FAM20A: variants seen among roughly 807,000 people sequenced by gnomAD.
FAM20A encodes FAM20A golgi associated secretory pathway pseudokinase.
A neutral mutation model predicts 52.0 loss-of-function variants in FAM20A; 42 were observed. That is an observed-to-expected ratio of 0.81 (90% confidence interval 0.63 to 1.04). The LOEUF (loss-of-function observed/expected upper bound fraction) is 1.04. Among genes scored for constraint, FAM20A ranks in the 50% least tolerant of loss-of-function variants. FAM20A has a pLI of 0.00. For missense variants in FAM20A, 742 were observed against 712.7 expected (o/e 1.04, Z -0.47); for synonymous variants, 304 against 298.9 (o/e 1.02, Z -0.18).
chr17:68,551,922 G>C lies in FAM20A; in HGVS notation c.670C>G (p.Leu224Val). ...IVKPSGVHLK[L>V]VLRFSDFGKA... ...CCGAAATCCGAGAACCTCAGCACCA[G>C]CTTGAGGTGGACCCCACTGGGTTTC... The change falls in exon 4 of 11, where the codon CTG (leucine) becomes GTG (valine). Residue 224 changes from leucine to valine, a missense_variant. Transcript: ENST00000592554. 6.3e-7 allele frequency: 1 copy of C among 1,591,318 alleles called. No homozygotes were observed. The highest frequency in any genetic ancestry group is 8.6e-7 in the Non-Finnish European group (1 of 1,167,154).
chr17:68,599,391 C>T (rs1461947587), intron 1 of FAM20A, among the ~76,000 whole-genome samples: 3 of 152,234 alleles, frequency 2.0e-5, no homozygotes, highest in Non-Finnish European at 4.4e-5. Flanking sequence ...AGCAAGGGAT[C>T]TCAGTAATGA....
At chr17:68,575,594 C>T (rs192755742) in intron 1 of FAM20A, among the ~76,000 whole-genome samples, 18 of 82,088 alleles carry the variant, frequency 2.2e-4, no homozygotes, top group East Asian at 3.5e-4. Flanking sequence ...ATATTTTATA[C>T]ATTATATATA....
At chr17:68,592,096 A>C (rs1598083343) in intron 1 of FAM20A, among the ~76,000 whole-genome samples, 1 of 152,072 alleles carries the variant, frequency 6.6e-6, no homozygotes, top group Non-Finnish European at 1.5e-5. Context: ...ACTCAGTGGG[A>C]TCCAATGACC....
intron 4 of FAM20A, among the ~76,000 whole-genome samples, chr17:68,550,159 C>T (rs1356346277): frequency 6.6e-6 from 1 of 152,096 alleles, no homozygotes; most frequent in Admixed American, 6.5e-5. Flanking sequence ...GTGATGATGA[C>T]AACCAATTCC....
At chr17:68,594,737 C>G (rs897127060) in intron 1 of FAM20A, among the ~76,000 whole-genome samples, 1 of 152,332 alleles carries the variant, frequency 6.6e-6, no homozygotes, top group Middle Eastern at 3.4e-3. Flanking sequence ...TTGCTCCTAT[C>G]CCTTGCCACA....
At chr17:68,541,888 C>T in intron 7 of FAM20A, 97 bp downstream of exon 7, 1 of 1,438,664 alleles carries the variant, frequency 7.0e-7, no homozygotes, top group Non-Finnish European at 9.5e-7. Context: ...ATTGAGGCAG[C>T]TTTTCAGATT....
intron 4 of FAM20A, among the ~76,000 whole-genome samples, chr17:68,549,028 A>G (rs2086709476): frequency 6.6e-6 from 1 of 152,032 alleles, no homozygotes; most frequent in Non-Finnish European, 1.5e-5. Flanking sequence ...CACCGTGCCC[A>G]GCCTGCCTGT....
intron 1 of FAM20A, among the ~76,000 whole-genome samples, chr17:68,581,350 T>TTGTC (rs1555831889): frequency 1.1e-5 from 1 of 92,218 alleles, no homozygotes; most frequent in Non-Finnish European, 2.1e-5. Flanking sequence ...GAAATGCAGT[T>TTGTC]TTTCTTTCTT....
At chr17:68,565,356 A>C (rs1486179139) in intron 1 of FAM20A, among the ~76,000 whole-genome samples, 3 of 140,700 alleles carry the variant, frequency 2.1e-5, no homozygotes, top group African/African-American at 8.0e-5. Flanking sequence ...TCATTTTTAA[A>C]TCCTGGAGTT....
intron 6 of FAM20A, 123 bp from the exon 7 acceptor site, chr17:68,542,288 G>A: frequency 9.6e-7 from 1 of 1,042,610 alleles, no homozygotes. Flanking sequence ...GGAAGAGAAA[G>A]AAGAAGAAGG....
intron 1 of FAM20A, among the ~76,000 whole-genome samples, chr17:68,592,138 GT>G (rs139176338): frequency 0.25 from 37,540 of 152,074 alleles, 5,335 homozygotes; most frequent in Non-Finnish European, 0.3. Flanking sequence ...TGAAACTCTG[GT>G]TAACAAGGGG....
intron 1 of FAM20A, chr17:68,598,146 G>A (rs1225725769): frequency 6.6e-6 from 1 of 151,872 alleles, no homozygotes; most frequent in Non-Finnish European, 1.5e-5. Flanking sequence ...TAGGACTACA[G>A]GTATGTGTCA....
intron 5 of FAM20A, 127 bp from the exon 6 acceptor site, chr17:68,542,936 A>C (rs1371564400): frequency 2.7e-6 from 2 of 736,732 alleles, no homozygotes; most frequent in Non-Finnish European, 4.9e-6. Context: ...GTGAGGCGTG[A>C]CTCTGCACTG....
At chr17:68,585,939 GT>G (rs1390871127) in intron 1 of FAM20A, among the ~76,000 whole-genome samples, 1 of 152,188 alleles carries the variant, frequency 6.6e-6, no homozygotes, top group Non-Finnish European at 1.5e-5. Context: ...GACAAGGAAG[GT>G]ATTCATCTGC....
At chr17:68,564,148 G>GC (rs11413173) in intron 1 of FAM20A, among the ~76,000 whole-genome samples, 67,828 of 151,956 alleles carry the variant, frequency 0.45, 16,374 homozygotes, top group African/African-American at 0.62. Context: ...TGATCCTGCA[G>GC]CCCCCCACGA....
At chr17:68,592,525 A>G (rs2088341850) in intron 1 of FAM20A, among the ~76,000 whole-genome samples, 1 of 152,174 alleles carries the variant, frequency 6.6e-6, no homozygotes, top group South Asian at 2.1e-4. Context: ...AGCTCAACCT[A>G]GGTGTTGACG....
In FAM20A at chr17:68,536,314, T is replaced by C; in HGVS notation, c.*1163A>G. 2.2e-6 allele frequency: 1 copy of C among 454,132 alleles called. No homozygotes were observed. Among genetic ancestry groups the C allele is most frequent in the Admixed American group, 2.3e-5 (1 of 42,574 alleles). The allele number at this position is 454,132 out of a possible 1,614,324, so 28.1% of individuals were successfully genotyped here. ...TGATGAAATGAGGCATTTTTACTTT[T>C]GTTGACTGACTAGTCACTCCATGGA... On this transcript the variant is annotated 3_prime_UTR_variant, in exon 11 of 11. Transcript: ENST00000592554.
intron 4 of FAM20A, among the ~76,000 whole-genome samples, chr17:68,549,923 C>G (rs2086754712): frequency 6.6e-6 from 1 of 152,234 alleles, no homozygotes; most frequent in Non-Finnish European, 1.5e-5. Flanking sequence ...GATGAGGTCT[C>G]TCCTGAAATT....
chr17:68,544,979 C>T (rs1236779557), intron 4 of FAM20A, among the ~76,000 whole-genome samples: 1 of 152,186 alleles, frequency 6.6e-6, no homozygotes, highest in Admixed American at 6.5e-5. Context: ...CGTCTCATTG[C>T]ACATTATATT....
Sources: allele counts gnomAD v4.1 joint callset (sites outside exome capture counted in the v4.1 genomes callset), GRCh38; gene constraint gnomAD v4.1.1; transcripts MANE v1.5; gene names NCBI Gene and HGNC (gene_info 2026-07-23, HGNC 2026-07-21).